The following HDAC9 variants were observed in gnomAD, a reference collection of about 807,000 sequenced individuals.
HDAC9 encodes MEF-2 interacting transcription repressor (MITR) protein.
A neutral mutation model predicts 139.4 loss-of-function variants in HDAC9; 41 were observed. That is an observed-to-expected ratio of 0.29 (90% confidence interval 0.23 to 0.38). The LOEUF is 0.38. Among genes scored for constraint, HDAC9 ranks in the 10% least tolerant of loss-of-function variants. The pLI is 1.00. For missense variants in HDAC9, 1,147 were observed against 1,297.0 expected (o/e 0.88, Z 1.78); for synonymous variants, 517 against 476.2 (o/e 1.09, Z -1.12).
At chr7:18,850,076 C>T (rs560749315) in intron 21 of HDAC9, among the ~76,000 whole-genome samples, 2 of 134,762 alleles carry the variant, frequency 1.5e-5, no homozygotes, top group Non-Finnish European at 3.1e-5. Flanking sequence ...CTTTAAAAGC[C>T]TGAGTAAAAA....
At chr7:18,246,870 A>G (rs1253159999) in intron 2 of HDAC9, among the ~76,000 whole-genome samples, 1 of 152,126 alleles carries the variant, frequency 6.6e-6, no homozygotes, top group African/African-American at 2.4e-5. Flanking sequence ...AGAACAGGGT[A>G]GCAAGAGTGA....
rs191095916 is a variant in HDAC9 at position 18,209,301 on chromosome 7, C to T, written c.25+46952C>T. ...CCCATGAGGTAAATACTTTATGGTC[C>T]CCATTTAATATAGGACACTGCTAAT... is the stretch of plus-strand genomic sequence containing the variant. On this transcript the variant is annotated intron_variant, in intron 2 of 12. Transcript: ENST00000417496. Among the ~76,000 whole-genome samples, 180 of 152,224 alleles carry T rather than the reference C, an allele frequency of 1.2e-3. 1 individual carries two copies. The highest frequency in any genetic ancestry group is 4.1e-3 in the Admixed American group (63 of 15,298).
chr7:18,933,006 G>A (rs747468729), intron 22 of HDAC9, among the ~76,000 whole-genome samples: 55 of 152,114 alleles, frequency 3.6e-4, no homozygotes, highest in South Asian at 2.1e-4. Context: ...ATTTAAAATA[G>A]GTCCTAGAAG....
intron 1 of HDAC9, among the ~76,000 whole-genome samples, chr7:18,443,820 A>G (rs1356548178): frequency 6.6e-6 from 1 of 151,782 alleles, no homozygotes. Flanking sequence ...ATATACATAT[A>G]TATATACACA....
intron 2 of HDAC9, among the ~76,000 whole-genome samples, chr7:18,166,469 C>T (rs1788019107): frequency 6.6e-6 from 1 of 152,110 alleles, no homozygotes; most frequent in African/African-American, 2.4e-5. Context: ...ATCTTCATGC[C>T]TCTGTTTTGC....
At chr7:18,682,009 T>C (rs772101583) in intron 12 of HDAC9, among the ~76,000 whole-genome samples, 2 of 152,024 alleles carry the variant, frequency 1.3e-5, no homozygotes, top group Non-Finnish European at 2.9e-5. Flanking sequence ...TTACCTCTAA[T>C]TGCATTTTTA....
intron 2 of HDAC9, among the ~76,000 whole-genome samples, chr7:18,499,732 A>G (rs1000113629): frequency 1.2e-4 from 18 of 152,190 alleles, no homozygotes; most frequent in Non-Finnish European, 2.2e-4. Flanking sequence ...TATATTTACA[A>G]TAAGGAAAGC....
chr7:18,401,861 C>A (rs1787575492), intron 1 of HDAC9, among the ~76,000 whole-genome samples: 1 of 152,144 alleles, frequency 6.6e-6, no homozygotes, highest in Non-Finnish European at 1.5e-5. Context: ...TTTCTTCTAT[C>A]AAAATTATAC....
chr7:18,472,529 C>T (rs1794802807), intron 1 of HDAC9, among the ~76,000 whole-genome samples: 1 of 152,184 alleles, frequency 6.6e-6, no homozygotes, highest in African/African-American at 2.4e-5. Context: ...ATACTTCTCC[C>T]CACTGCTTTT....
chr7:18,984,870 G>A (rs1309174561), intron 25 of HDAC9, among the ~76,000 whole-genome samples: 1 of 152,012 alleles, frequency 6.6e-6, no homozygotes, highest in African/African-American at 2.4e-5. Flanking sequence ...ACAAAAACTT[G>A]CTGCCAGTTG....
In HDAC9 at chr7:18,598,489, C is replaced by T. The variant is rs1016553876; in HGVS notation, c.664+4460C>T. 6.6e-5 allele frequency among the ~76,000 whole-genome samples: 10 copies of T among 152,084 alleles called. 1 individual carries two copies. The highest frequency in any genetic ancestry group is 1.5e-4 in the Non-Finnish European group (10 of 68,018). On this transcript the variant is annotated intron_variant, in intron 6 of 25. Transcript: ENST00000686413. The stretch of plus-strand genomic sequence containing the variant: ...GGAAATTTGGGTCCTCAATCTTGAG[C>T]GATTAATTTAACCTCTCTAGGCCAC...
chr7:18,924,633 G>T (rs551788774), intron 22 of HDAC9, among the ~76,000 whole-genome samples: 1 of 152,086 alleles, frequency 6.6e-6, no homozygotes, highest in African/African-American at 2.4e-5. Flanking sequence ...TAACAAATCT[G>T]TGTAATTTAG....
chr7:18,812,818 T>C (rs1794280777), intron 17 of HDAC9, among the ~76,000 whole-genome samples: 1 of 152,036 alleles, frequency 6.6e-6, no homozygotes, highest in Non-Finnish European at 1.5e-5. Context: ...CACTGGACAT[T>C]GAGGACTCTG....
At chr7:18,744,962 AT>A (rs1787807075) in intron 13 of HDAC9, among the ~76,000 whole-genome samples, 2 of 152,152 alleles carry the variant, frequency 1.3e-5, no homozygotes, top group South Asian at 4.1e-4. Flanking sequence ...TCCTTTGTGT[AT>A]TTTTCAAATT....
chr7:18,251,798 T>C (rs1011419796), intron 2 of HDAC9, among the ~76,000 whole-genome samples: 1 of 152,218 alleles, frequency 6.6e-6, no homozygotes, highest in African/African-American at 2.4e-5. Flanking sequence ...AACAGGTGAA[T>C]GACATTTTTG....
At chr7:18,157,978 G>A (rs1787347151) in intron 1 of HDAC9, among the ~76,000 whole-genome samples, 1 of 152,162 alleles carries the variant, frequency 6.6e-6, no homozygotes, top group African/African-American at 2.4e-5. Context: ...GAGGAACCAT[G>A]GTTAATGTCT....
intron 1 of HDAC9, among the ~76,000 whole-genome samples, chr7:18,320,011 G>A (rs1346130089): frequency 2.0e-5 from 3 of 152,306 alleles, no homozygotes; most frequent in Admixed American, 6.5e-5. Flanking sequence ...ACAAGGGGTG[G>A]TGGGAACTAA....
chr7:18,137,852 A>G (rs996679368), intron 1 of HDAC9, among the ~76,000 whole-genome samples: 7 of 152,140 alleles, frequency 4.6e-5, no homozygotes, highest in East Asian at 3.9e-4. Flanking sequence ...CTCTTTTTCT[A>G]TTGATCGGAA....
intron 2 of HDAC9, among the ~76,000 whole-genome samples, chr7:18,213,015 A>G (rs1792057053): frequency 6.6e-6 from 1 of 152,222 alleles, no homozygotes; most frequent in African/African-American, 2.4e-5. Context: ...TTTAGACAGC[A>G]TGTAATTTGG....
Sources: gnomAD v4.1 joint callset for allele counts (sites outside exome capture counted in the v4.1 genomes callset) on GRCh38, gnomAD v4.1.1 for gene constraint, MANE v1.5 for transcripts, NCBI Gene and HGNC (gene_info 2026-07-23, HGNC 2026-07-21) for gene names.